Variants in TENM3 observed in about 807,000 individuals in gnomAD.
The protein encoded by TENM3 is teneurin-3.
TENM3 carries 63 observed loss-of-function variants against 255.1 expected under a neutral mutation model. The observed-to-expected ratio is 0.25, with a 90% CI of 0.20 to 0.30. The LOEUF (loss-of-function observed/expected upper bound fraction) is 0.30, where lower values mean the gene tolerates loss of function less well. Ranked by LOEUF, TENM3 falls within the 10% of genes least tolerant of loss-of-function variation. The pLI, the probability that TENM3 is intolerant of heterozygous loss-of-function variation, is 1.00. For missense variants in TENM3, 2,929 were observed against 3,461.1 expected (o/e 0.85, Z 3.86); for synonymous variants, 1,306 against 1,322.3 (o/e 0.99, Z 0.27).
At chr4:182,096,637 G>A in the TENM3 span, among the ~76,000 whole-genome samples, 1 of 152,174 alleles carries the variant, frequency 6.6e-6, no homozygotes, top group Non-Finnish European at 1.5e-5. Context: ...AATCATTACT[G>A]AAATGATGAC....
the TENM3 span, among the ~76,000 whole-genome samples, chr4:181,724,914 CAGGGAGTA>C: frequency 6.6e-6 from 1 of 152,166 alleles, no homozygotes; most frequent in Middle Eastern, 3.2e-3. Context: ...TGCCACCTTT[CAGGGAGTA>C]AGGAAAGTGA....
chr4:182,502,045 TG>T (rs1199152350), intron 3 of TENM3, among the ~76,000 whole-genome samples: 1 of 152,180 alleles, frequency 6.6e-6, no homozygotes, highest in Non-Finnish European at 1.5e-5. Flanking sequence ...AATTGTGAAC[TG>T]TGGAAATCAC....
chr4:182,088,026 A>T, the TENM3 span, among the ~76,000 whole-genome samples: 6 of 152,176 alleles, frequency 3.9e-5, no homozygotes, highest in Non-Finnish European at 8.8e-5. Context: ...GCATTGTCAA[A>T]TTCTAAACTG....
intron 3 of TENM3, among the ~76,000 whole-genome samples, chr4:182,591,504 G>T (rs1333118454): frequency 6.6e-6 from 1 of 152,084 alleles, no homozygotes; most frequent in African/African-American, 2.4e-5. Flanking sequence ...GATGATGAAG[G>T]TCTTAAGAAC....
the TENM3 span, among the ~76,000 whole-genome samples, chr4:181,572,424 A>C: frequency 2.0e-5 from 3 of 152,194 alleles, no homozygotes; most frequent in Non-Finnish European, 4.4e-5. Flanking sequence ...TCAGTTAGAA[A>C]AAGAAAAAAA....
the TENM3 span, among the ~76,000 whole-genome samples, chr4:181,814,404 A>G: frequency 6.6e-6 from 1 of 152,216 alleles, no homozygotes; most frequent in Non-Finnish European, 1.5e-5. Flanking sequence ...GAACTTAACA[A>G]AAACACAAAC....
At chr4:181,627,136 T>G in the TENM3 span, among the ~76,000 whole-genome samples, 1 of 152,202 alleles carries the variant, frequency 6.6e-6, no homozygotes, top group East Asian at 1.9e-4. Flanking sequence ...CCTAATCTTC[T>G]AAGGCAGTGA....
At chr4:182,475,145 T>G (rs1580680397) in intron 3 of TENM3, among the ~76,000 whole-genome samples, 1 of 152,300 alleles carries the variant, frequency 6.6e-6, no homozygotes, top group Middle Eastern at 3.4e-3. Flanking sequence ...TTCCTCACTA[T>G]TTCTGGAATA....
At chr4:181,821,392 C>T in the TENM3 span, among the ~76,000 whole-genome samples, 2 of 152,112 alleles carry the variant, frequency 1.3e-5, no homozygotes, top group Non-Finnish European at 1.5e-5. Context: ...TTATATCCTG[C>T]GATATAATCC....
chr4:182,348,559 A>C (rs1764976530), intron 3 of TENM3, among the ~76,000 whole-genome samples: 1 of 152,182 alleles, frequency 6.6e-6, no homozygotes, highest in South Asian at 2.1e-4. Context: ...ATCAGTTCTG[A>C]TTATCTGCAT....
chr4:182,786,231 C>T (rs1216664227), intron 24 of TENM3, among the ~76,000 whole-genome samples: 5 of 151,808 alleles, frequency 3.3e-5, no homozygotes, highest in Admixed American at 2.0e-4. Flanking sequence ...GTTTCGGTGT[C>T]GCCTAGCCAC....
chr4:181,762,720 CA>C, the TENM3 span, among the ~76,000 whole-genome samples: 1 of 152,126 alleles, frequency 6.6e-6, no homozygotes, highest in Non-Finnish European at 1.5e-5. Flanking sequence ...ACCCCATTAT[CA>C]AAACTTCTTA....
At chr4:182,078,940 A>G in the TENM3 span, among the ~76,000 whole-genome samples, 2 of 152,186 alleles carry the variant, frequency 1.3e-5, no homozygotes, top group African/African-American at 4.8e-5. Context: ...GGCACCAGCC[A>G]CTAAGCCTGG....
intron 3 of TENM3, among the ~76,000 whole-genome samples, chr4:182,583,500 A>G (rs1176238714): frequency 1.3e-5 from 2 of 152,146 alleles, no homozygotes; most frequent in Non-Finnish European, 2.9e-5. Flanking sequence ...AGACTAGAAG[A>G]GTAAAATATG....
In TENM3 at chr4:182,801,846, G is replaced by A. The variant is rs766254064; in HGVS notation, c.*1495G>A. 1 of 152,408 alleles carries A rather than the reference G, an allele frequency of 6.6e-6. No homozygotes were observed. The highest frequency in any genetic ancestry group is 1.5e-5 in the Non-Finnish European group (1 of 68,038). The allele number at this position is 152,408 out of a possible 1,614,324, so 9.4% of individuals were successfully genotyped here. A position where few individuals can be genotyped will look rare whatever the true frequency, so the allele number is the denominator to read the frequency against. ...CTCCTGCACACATGCATGCACGCGT[G>A]TGGGAACGAGCCCAGCCGCCATCTG... On this transcript the variant is annotated 3_prime_UTR_variant, in exon 28 of 28. Coordinates refer to ENST00000511685, the MANE Select transcript of TENM3 (RefSeq NM_001080477.4).
chr4:182,399,592 C>G (rs1257920164), intron 3 of TENM3, among the ~76,000 whole-genome samples: 2 of 152,180 alleles, frequency 1.3e-5, no homozygotes, highest in Admixed American at 6.5e-5. Context: ...TCTATTTGCT[C>G]CTATAGACAA....
the TENM3 span, among the ~76,000 whole-genome samples, chr4:182,105,981 G>A: frequency 6.6e-6 from 1 of 152,184 alleles, no homozygotes; most frequent in Admixed American, 6.5e-5. Flanking sequence ...ACATTTATAC[G>A]AAACAAACCT....
chr4:182,146,980 G>A (rs900938581), intron 1 of TENM3, among the ~76,000 whole-genome samples: 4 of 152,114 alleles, frequency 2.6e-5, no homozygotes, highest in African/African-American at 9.7e-5. Flanking sequence ...AAGGGAACCT[G>A]CCTTATTAGG....
chr4:181,979,253 G>A, the TENM3 span, among the ~76,000 whole-genome samples: 1 of 148,504 alleles, frequency 6.7e-6, no homozygotes, highest in Admixed American at 6.7e-5. Context: ...TCTTATGTTT[G>A]TATTGCAGTA....
Sources: gnomAD v4.1 joint callset for allele counts (sites outside exome capture counted in the v4.1 genomes callset) on GRCh38, gnomAD v4.1.1 for gene constraint, MANE v1.5 for transcripts, NCBI Gene and HGNC (gene_info 2026-07-23, HGNC 2026-07-21) for gene names.